The following PGBD5 variants were observed in gnomAD, a reference collection of about 807,000 sequenced individuals.
PGBD5 encodes the protein piggyBac transposable element derived 5.
Under a neutral mutation model 47.9 loss-of-function variants are expected in PGBD5, and 14 were observed. The observed-to-expected ratio is 0.29, with a 90% confidence interval of 0.19 to 0.46. The LOEUF (loss-of-function observed/expected upper bound fraction) is 0.46, where lower values mean the gene tolerates loss of function less well. PGBD5 is among the 20% of genes least tolerant of loss of function. PGBD5 has a pLI of 1.00. For synonymous variants in PGBD5, 316 were observed against 306.3 expected, an observed-to-expected ratio of 1.03 and a Z score of -0.33; for missense variants, 635 against 716.0, an observed-to-expected ratio of 0.89 and a Z score of 1.29.
intron 1 of PGBD5, among the ~76,000 whole-genome samples, chr1:230,404,982 T>G (rs1657266799): frequency 6.6e-6 from 1 of 150,768 alleles, no homozygotes; most frequent in Non-Finnish European, 1.5e-5. Flanking sequence ...ATCAAGTTTT[T>G]TTTTTTTTTT....
chr1:230,360,933 T>G (rs1216863505), intron 1 of PGBD5, among the ~76,000 whole-genome samples: 2 of 152,256 alleles, frequency 1.3e-5, no homozygotes. Flanking sequence ...TGAGGCATCA[T>G]CCCATTCGGC....
In PGBD5 at chr1:230,357,396, T is replaced by C; in HGVS notation, c.332-75A>G. 2.0e-6 allele frequency: 3 copies of C among 1,500,502 alleles called. No individual in the cohort carries two copies. The highest frequency in any genetic ancestry group is 2.5e-5 in the South Asian group (2 of 78,608). The allele number at this position is 1,500,502 out of a possible 1,614,324, so 92.9% of individuals were successfully genotyped here. A position where few individuals can be genotyped will look rare whatever the true frequency, so the allele number is the denominator to read the frequency against. On this transcript the variant is annotated intron_variant, in intron 1 of 6. Coordinates refer to ENST00000391860, the MANE Select transcript of PGBD5 (RefSeq NM_001258311.2). The surrounding 1 kb of genome is among the most constrained non-coding windows in gnomAD (Gnocchi z 5.7). ...TGACTCGACACGAGAACGGCTGCAT[T>C]TCCAATCCCTGGGTCCCTGGCCGAG...
chr1:230,362,259 A>G (rs1667757079), intron 1 of PGBD5: 3 of 1,363,954 alleles, frequency 2.2e-6, no homozygotes, highest in Non-Finnish European at 2.9e-6. Flanking sequence ...AGCTTCCTCT[A>G]CCAGCTCCTT....
At chr1:230,400,278 T>A (rs1160229662) in intron 1 of PGBD5, among the ~76,000 whole-genome samples, 2 of 152,144 alleles carry the variant, frequency 1.3e-5, no homozygotes, top group African/African-American at 4.8e-5. Context: ...GCTCAAATCT[T>A]ACCTTCTGAA....
At chr1:230,409,900 C>T (rs1657378281) in intron 1 of PGBD5, among the ~76,000 whole-genome samples, 1 of 151,418 alleles carries the variant, frequency 6.6e-6, no homozygotes, top group South Asian at 2.1e-4. Context: ...AGAAAAAAAG[C>T]TGAATCAATA....
In PGBD5 at chr1:230,316,076, G is replaced by A. The variant is rs200738214; in HGVS notation, c.*7349C>T. 4.8e-4 allele frequency: 52 copies of A among 107,450 alleles called. No individual in the cohort carries two copies. Among genetic ancestry groups the A allele is most frequent in the Middle Eastern group, 4.5e-3 (1 of 220 alleles). 6.7% of individuals were successfully genotyped at this position (107,450 alleles called of 1,614,324 possible). On this transcript the variant is annotated 3_prime_UTR_variant, in exon 7 of 7. Transcript: ENST00000391860. ...CATATATGTATGTGTATACATACAT[G>A]TTTATGTGTATACATACATATGTTT... is the stretch of plus-strand genomic sequence containing the variant.
intron 1 of PGBD5, among the ~76,000 whole-genome samples, chr1:230,373,768 G>A (rs903978657): frequency 2.6e-5 from 4 of 152,046 alleles, no homozygotes; most frequent in Admixed American, 6.6e-5. Flanking sequence ...ATCATAGCTC[G>A]CTACAGCCTT....
rs143557922 is a variant in PGBD5, at chr1:230,368,289, T to C, written c.332-10968A>G. On this transcript the variant is annotated intron_variant, in intron 1 of 6. Transcript: ENST00000391860. Reference sequence around the variant, plus strand: ...AGAAATGTGTGTTGCTGAGGCCAAGTGGCCCCTCCCCAAAAAGCAACCGGG... The same window carrying C: ...AGAAATGTGTGTTGCTGAGGCCAAGCGGCCCCTCCCCAAAAAGCAACCGGG... The C allele has an allele frequency of 2.4e-4, 282 of 1,164,368 alleles. No homozygotes were observed. In the African/African-American group the frequency reaches 3.9e-3, roughly 16 times the overall value. The allele number at this position is 1,164,368 out of a possible 1,614,324, so 72.1% of individuals were successfully genotyped here.
chr1:230,333,672 T>C (rs761747499), intron 4 of PGBD5, among the ~76,000 whole-genome samples: 2 of 152,216 alleles, frequency 1.3e-5, no homozygotes, highest in Non-Finnish European at 2.9e-5. Context: ...TGGGGAGCTA[T>C]ATTTGATGCG....
chr1:230,334,418 G>GT (rs1488316755), intron 4 of PGBD5, among the ~76,000 whole-genome samples: 1 of 152,232 alleles, frequency 6.6e-6, no homozygotes, highest in Non-Finnish European at 1.5e-5. Flanking sequence ...CTGCATGTTC[G>GT]TAAGAGGGAA....
At chr1:230,344,386 C>G (rs1387898185) in intron 3 of PGBD5, among the ~76,000 whole-genome samples, 3 of 152,252 alleles carry the variant, frequency 2.0e-5, no homozygotes, top group Non-Finnish European at 4.4e-5. Flanking sequence ...GCAAATCTCT[C>G]TGTGCCTCAG....
chr1:230,354,545 T>C, intron 2 of PGBD5, among the ~76,000 whole-genome samples: 2 of 152,342 alleles, frequency 1.3e-5, no homozygotes, highest in Admixed American at 1.3e-4. Flanking sequence ...TTTGATAACA[T>C]GATTATATAA....
chr1:230,358,593 C>G (rs928634537), intron 1 of PGBD5, among the ~76,000 whole-genome samples: 3 of 151,884 alleles, frequency 2.0e-5, no homozygotes, highest in Non-Finnish European at 4.4e-5. Flanking sequence ...ACCTCCCCGC[C>G]CCCCCACAAG....
Position 230,425,557 on chromosome 1 carries a change from C to A in PGBD5, c.331+41G>T. 8.3e-7 allele frequency: 1 copy of A among 1,210,730 alleles called. No individual in the cohort carries two copies. The highest frequency in any genetic ancestry group is 1.0e-6 in the Non-Finnish European group (1 of 973,334). The allele number at this position is 1,210,730 out of a possible 1,614,324, so 75.0% of individuals were successfully genotyped here. On this transcript the variant is annotated intron_variant, in intron 1 of 6. Coordinates refer to ENST00000391860, the MANE Select transcript of PGBD5 (RefSeq NM_001258311.2). The surrounding 1 kb of genome is among the most constrained non-coding windows in gnomAD (Gnocchi z 4.7). ...ACCCACGCCTCCCCCGCGCCCGGTT[C>A]CAGCGCCGCCCCCGACATCCACCCG...
At position 230,321,122 on chromosome 1, in the gene PGBD5, A is replaced by C. The variant is rs1317009321; in HGVS notation, c.*2303T>G. 1.3e-5 allele frequency: 2 copies of C among 152,258 alleles called. No individual in the cohort carries two copies. Among genetic ancestry groups the C allele is most frequent in the Non-Finnish European group, 2.9e-5 (2 of 68,040 alleles). 9.4% of individuals were successfully genotyped at this position (152,258 alleles called of 1,614,324 possible). A position where few individuals can be genotyped will look rare whatever the true frequency, so the allele number is the denominator to read the frequency against. On this transcript the variant is annotated 3_prime_UTR_variant, in exon 7 of 7. Transcript: ENST00000391860. ...AAAGAGGGAAAACCACCAGGCCGGA[A>C]GGCAGGCCTGCTAGTGTCTTCAATG...
chr1:230,388,304 C>T (rs1656698428), intron 1 of PGBD5, among the ~76,000 whole-genome samples: 1 of 152,126 alleles, frequency 6.6e-6, no homozygotes, highest in Non-Finnish European at 1.5e-5. Flanking sequence ...CTCCTGGAAG[C>T]CAAGCAGCGA....
chr1:230,341,067 A>T (rs925500088), intron 3 of PGBD5, among the ~76,000 whole-genome samples: 1 of 152,244 alleles, frequency 6.6e-6, no homozygotes, highest in Non-Finnish European at 1.5e-5. Context: ...AGAAGGATGC[A>T]GCCAAGAAGT....
chr1:230,418,039 T>C (rs1043092661), intron 1 of PGBD5, among the ~76,000 whole-genome samples: 1 of 152,154 alleles, frequency 6.6e-6, no homozygotes, highest in Non-Finnish European at 1.5e-5. Flanking sequence ...CCAGTAACAT[T>C]CAGTGGGTAG....
rs1666908911 is a variant in PGBD5 at position 230,314,578 on chromosome 1, A to C, written c.*8847T>G. The C allele has an allele frequency of 7.6e-6, 1 of 131,748 alleles. No homozygotes were observed. The highest frequency in any genetic ancestry group is 2.6e-4 in the South Asian group (1 of 3,914). The allele number at this position is 131,748 out of a possible 1,614,324, so 8.2% of individuals were successfully genotyped here. Reference sequence around the variant, plus strand: ...ACCACATGACAAAATGCTTGAATTAAATCTTTTTTTTTTTTTTTTTTTTTT... The same window carrying C: ...ACCACATGACAAAATGCTTGAATTACATCTTTTTTTTTTTTTTTTTTTTTT... On this transcript the variant is annotated 3_prime_UTR_variant, in exon 7 of 7. Transcript: ENST00000391860.
Sources: allele counts gnomAD v4.1 joint callset (sites outside exome capture counted in the v4.1 genomes callset), GRCh38; gene constraint gnomAD v4.1.1; non-coding constraint Gnocchi (gnomAD v3.1); transcripts MANE v1.5; gene names NCBI Gene and HGNC (gene_info 2026-07-23, HGNC 2026-07-21).